The following CCDC171 variants were observed in gnomAD, a reference collection of about 807,000 sequenced individuals.
The protein encoded by CCDC171 is coiled-coil domain-containing protein 171.
Under a neutral mutation model 168.2 loss-of-function variants are expected in CCDC171, and 177 were observed. The observed-to-expected ratio is 1.05, with a 90% CI of 0.93 to 1.19. The LOEUF is 1.19. CCDC171 is among the 50% of genes most tolerant of loss of function. CCDC171 has a pLI of 0.00. For synonymous variants in CCDC171, 687 were observed against 540.8 expected (o/e 1.27, Z -3.75); for missense variants, 1,991 against 1,539.0 (o/e 1.29, Z -4.91).
chr9:15,823,231 G>A (rs10810452), intron 21 of CCDC171, among the ~76,000 whole-genome samples: 58,399 of 151,718 alleles, frequency 0.38, 13,856 homozygotes, highest in East Asian at 0.65. Context: ...GTTAAATGAC[G>A]AGATAAAGGG....
intron 9 of CCDC171, among the ~76,000 whole-genome samples, chr9:15,672,347 T>C (rs991430830): frequency 6.6e-6 from 1 of 152,210 alleles, no homozygotes; most frequent in African/African-American, 2.4e-5. Context: ...AGAAGCTCTT[T>C]AGTTTAATTC....
intron 7 of CCDC171, among the ~76,000 whole-genome samples, chr9:15,643,538 A>T (rs949066108): frequency 6.6e-5 from 10 of 152,166 alleles, no homozygotes; most frequent in Non-Finnish European, 1.5e-4. Context: ...TGACATTCCA[A>T]TCAGGGATTC....
At chr9:15,664,684 A>G (rs932268687) in intron 8 of CCDC171, among the ~76,000 whole-genome samples, 2 of 149,468 alleles carry the variant, frequency 1.3e-5, no homozygotes, top group African/African-American at 5.0e-5. Context: ...GACACAGGGA[A>G]TATAGTTTTG....
chr9:16,098,362 G>A, the CCDC171 span, among the ~76,000 whole-genome samples: 22 of 152,114 alleles, frequency 1.4e-4, no homozygotes, highest in Non-Finnish European at 2.1e-4. Flanking sequence ...TGTCGTCGTC[G>A]TCATCATCAT....
At chr9:16,012,914 C>T (rs557959166) in intron 3 of CCDC171, among the ~76,000 whole-genome samples, 9 of 152,258 alleles carry the variant, frequency 5.9e-5, no homozygotes, top group East Asian at 3.9e-4. Flanking sequence ...AATGCTTAAA[C>T]GTATAGGTCT....
In CCDC171 at chr9:15,564,086, AT is replaced by A; in HGVS notation, c.-2del. The A allele has an allele frequency of 6.2e-7, 1 of 1,603,956 alleles. No homozygotes were observed. ...GGGTATTTTGAAAGAGTTGGAAAAC[AT>A]CATGAATTTGAATACTTCAAGTAAT... On this transcript the variant is annotated 5_prime_UTR_variant, in exon 2 of 26. Coordinates refer to ENST00000380701, the MANE Select transcript of CCDC171 (RefSeq NM_173550.4).
intron 2 of CCDC171, 23 bp downstream of exon 2, chr9:15,564,152 T>C (rs2039537100): frequency 6.3e-7 from 1 of 1,581,774 alleles, no homozygotes; most frequent in East Asian, 2.2e-5. Flanking sequence ...TCTCTTCTTT[T>C]AGTTGATGAA....
chr9:15,588,176 A>G (rs1384319712), intron 4 of CCDC171, among the ~76,000 whole-genome samples: 2 of 152,158 alleles, frequency 1.3e-5, no homozygotes, highest in East Asian at 3.9e-4. Context: ...CAGAGGTTGC[A>G]GTGAGCCGAG....
intron 24 of CCDC171, among the ~76,000 whole-genome samples, chr9:15,883,800 A>T (rs1819027625): frequency 6.6e-6 from 1 of 152,238 alleles, no homozygotes; most frequent in South Asian, 2.1e-4. Context: ...GACTTCTTTA[A>T]AAACAAGGTA....
At chr9:15,779,363 C>G (rs1044570447) in intron 20 of CCDC171, among the ~76,000 whole-genome samples, 2 of 151,848 alleles carry the variant, frequency 1.3e-5, no homozygotes, top group African/African-American at 4.8e-5. Flanking sequence ...GAGATTTCCT[C>G]TCTTCTTTTT....
intron 7 of CCDC171, among the ~76,000 whole-genome samples, chr9:15,648,930 G>A (rs754392192): frequency 5.3e-5 from 8 of 152,128 alleles, no homozygotes; most frequent in South Asian, 2.1e-4. Flanking sequence ...AAAAGAGACC[G>A]CATTGCCAAG....
chr9:15,993,692 T>C (rs1314407794), intron 3 of CCDC171, among the ~76,000 whole-genome samples: 1 of 152,064 alleles, frequency 6.6e-6, no homozygotes, highest in Non-Finnish European at 1.5e-5. Context: ...TGCAATCTAC[T>C]CATCTGACAA....
At chr9:15,903,160 G>T (rs1821961000) in intron 24 of CCDC171, among the ~76,000 whole-genome samples, 1 of 152,198 alleles carries the variant, frequency 6.6e-6, no homozygotes, top group Non-Finnish European at 1.5e-5. Context: ...AAATGTCCCT[G>T]TCTGACAGCT....
chr9:15,943,627 C>T (rs562946521), intron 25 of CCDC171, among the ~76,000 whole-genome samples: 1 of 151,878 alleles, frequency 6.6e-6, no homozygotes, highest in Non-Finnish European at 1.5e-5. Context: ...TTGCCAAGTG[C>T]CCAACGAAGG....
chr9:15,912,570 A>G (rs906913543), intron 24 of CCDC171, among the ~76,000 whole-genome samples: 2 of 151,880 alleles, frequency 1.3e-5, no homozygotes, highest in African/African-American at 4.8e-5. Flanking sequence ...CTTGGCCACA[A>G]TTTCCAATAA....
At chr9:15,918,593 G>C (rs1254812598) in intron 24 of CCDC171, among the ~76,000 whole-genome samples, 3 of 151,630 alleles carry the variant, frequency 2.0e-5, no homozygotes, top group Admixed American at 6.6e-5. Flanking sequence ...GTTTGTATTA[G>C]TATTAGCTAT....
At chr9:15,890,510 T>C (rs1820070263) in intron 24 of CCDC171, among the ~76,000 whole-genome samples, 1 of 151,398 alleles carries the variant, frequency 6.6e-6, no homozygotes, top group Non-Finnish European at 1.5e-5. Flanking sequence ...AAAATGGGGA[T>C]TGACCTGGAG....
chr9:15,712,595 G>C (rs908560033), intron 11 of CCDC171, among the ~76,000 whole-genome samples: 5 of 152,188 alleles, frequency 3.3e-5, no homozygotes, highest in Admixed American at 6.5e-5. Flanking sequence ...AAACGTTATG[G>C]TTAGGGAAGG....
At chr9:15,838,174 A>C (rs1050983957) in intron 21 of CCDC171, among the ~76,000 whole-genome samples, 5 of 152,196 alleles carry the variant, frequency 3.3e-5, no homozygotes, top group Admixed American at 6.5e-5. Flanking sequence ...GTAAATATTT[A>C]ATATATACTC....
Sources: gnomAD v4.1 joint callset for allele counts (sites outside exome capture counted in the v4.1 genomes callset) on GRCh38, gnomAD v4.1.1 for gene constraint, MANE v1.5 for transcripts, NCBI Gene and HGNC (gene_info 2026-07-23, HGNC 2026-07-21) for gene names.